The following MAGI2 variants were observed in gnomAD, a reference collection of about 807,000 sequenced individuals.
MAGI2 encodes the protein membrane-associated guanylate kinase, WW and PDZ domain-containing protein 2.
A neutral mutation model predicts 133.3 loss-of-function variants in MAGI2; 35 were observed. The ratio of observed to expected loss-of-function variants is 0.26; its 90% CI spans 0.20 to 0.35. The LOEUF is 0.35. Ranked by LOEUF, MAGI2 falls within the 10% of genes least tolerant of loss-of-function variation. The pLI is 1.00. For missense variants in MAGI2, 1,636 were observed against 1,863.4 expected (o/e 0.88, Z 2.25); for synonymous variants, 729 against 710.6 (o/e 1.03, Z -0.41).
intron 14 of MAGI2, among the ~76,000 whole-genome samples, chr7:78,171,931 C>T (rs1363608061): frequency 6.6e-6 from 1 of 152,020 alleles, no homozygotes; most frequent in Non-Finnish European, 1.5e-5. Flanking sequence ...ATTGTTTTGG[C>T]CCTGAAGGGA....
intron 1 of MAGI2, among the ~76,000 whole-genome samples, chr7:79,449,353 A>ATT (rs11439144): frequency 0.21 from 30,533 of 142,752 alleles, 3,311 homozygotes; most frequent in East Asian, 0.29. Flanking sequence ...AAGAATTAGA[A>ATT]TTTTTTTTTT....
chr7:79,208,575 C>T (rs559092209), intron 1 of MAGI2, among the ~76,000 whole-genome samples: 1 of 151,954 alleles, frequency 6.6e-6, no homozygotes, highest in South Asian at 2.1e-4. Context: ...TTGTACACTG[C>T]TGGTGGGAAT....
intron 6 of MAGI2, among the ~76,000 whole-genome samples, chr7:78,416,041 G>A (rs868403150): frequency 6.6e-6 from 1 of 152,100 alleles, no homozygotes; most frequent in South Asian, 2.1e-4. Flanking sequence ...TACAGGTTGG[G>A]TAAAAGTGAG....
At chr7:78,678,800 A>T (rs185253084) in intron 2 of MAGI2, among the ~76,000 whole-genome samples, 358 of 152,292 alleles carry the variant, frequency 2.4e-3, no homozygotes, top group Admixed American at 4.4e-3. Flanking sequence ...TGACTATAGA[A>T]ATAAGAATAA....
intron 1 of MAGI2, among the ~76,000 whole-genome samples, chr7:79,138,407 G>T (rs994028941): frequency 1.3e-5 from 2 of 152,130 alleles, no homozygotes; most frequent in African/African-American, 4.8e-5. Context: ...CAATGTTCCA[G>T]TCCCTAAGTC....
At chr7:78,755,005 T>A (rs1245179645) in intron 2 of MAGI2, among the ~76,000 whole-genome samples, 1 of 152,220 alleles carries the variant, frequency 6.6e-6, no homozygotes, top group African/African-American at 2.4e-5. Context: ...ATGAAAAATG[T>A]ATTATAAAGC....
At chr7:78,870,060 T>C (rs1794904157) in intron 2 of MAGI2, among the ~76,000 whole-genome samples, 1 of 152,118 alleles carries the variant, frequency 6.6e-6, no homozygotes, top group African/African-American at 2.4e-5. Context: ...GCTTAGTCTT[T>C]CTTTGGCTGT....
chr7:79,012,907 C>T (rs958618911), intron 1 of MAGI2, among the ~76,000 whole-genome samples: 1 of 152,152 alleles, frequency 6.6e-6, no homozygotes, highest in Non-Finnish European at 1.5e-5. Context: ...TATATCCACA[C>T]ATGGCCAAGA....
At chr7:79,059,291 C>T (rs1813487135) in intron 1 of MAGI2, among the ~76,000 whole-genome samples, 1 of 151,924 alleles carries the variant, frequency 6.6e-6, no homozygotes, top group Admixed American at 6.6e-5. Flanking sequence ...GGGTAACGGA[C>T]CTTGTCTGTC....
At chr7:78,120,331 A>T (rs1410075990) in intron 20 of MAGI2, among the ~76,000 whole-genome samples, 1 of 152,180 alleles carries the variant, frequency 6.6e-6, no homozygotes, top group Non-Finnish European at 1.5e-5. Flanking sequence ...TGAACCCAGG[A>T]GGCGGAGCTT....
intron 1 of MAGI2, among the ~76,000 whole-genome samples, chr7:79,011,884 T>TCTTCCTTCCTTCCTTCCTTCCTTC (rs779042721): frequency 2.9e-5 from 3 of 103,396 alleles, no homozygotes; most frequent in Non-Finnish European, 4.0e-5. Flanking sequence ...TTCCTTCCTT[T>TCTTCCTTCCTTCCTTCCTTCCTTC]CTTCCTTCCT....
At chr7:78,083,385 GGGGAGA>G (rs1816225303) in intron 20 of MAGI2, among the ~76,000 whole-genome samples, 2 of 45,424 alleles carry the variant, frequency 4.4e-5, no homozygotes, top group Non-Finnish European at 8.1e-5. Flanking sequence ...GGAGGGAGGG[GGGGAGA>G]GAGAGAGAGA....
intron 5 of MAGI2, among the ~76,000 whole-genome samples, chr7:78,493,129 G>A (rs146064273): frequency 2.0e-5 from 3 of 152,226 alleles, no homozygotes; most frequent in Non-Finnish European, 4.4e-5. Flanking sequence ...GAGGACTAAA[G>A]TAAGCCAGAA....
chr7:78,851,678 G>C (rs747230118), intron 2 of MAGI2, among the ~76,000 whole-genome samples: 8 of 152,078 alleles, frequency 5.3e-5, no homozygotes, highest in Non-Finnish European at 1.2e-4. Context: ...ATATCACACT[G>C]TAGGAAGTCT....
intron 1 of MAGI2, among the ~76,000 whole-genome samples, chr7:79,312,518 C>T (rs140673889): frequency 3.9e-5 from 6 of 152,272 alleles, no homozygotes; most frequent in East Asian, 1.9e-4. Context: ...AATACCGCAA[C>T]GTAGCCTCAC....
intron 4 of MAGI2, among the ~76,000 whole-genome samples, chr7:78,510,124 G>A (rs900689009): frequency 3.3e-5 from 5 of 152,124 alleles, no homozygotes; most frequent in African/African-American, 1.2e-4. Context: ...AAGAGAATAG[G>A]AATAATTTGA....
At chr7:79,296,535 A>G (rs1836943860) in intron 1 of MAGI2, among the ~76,000 whole-genome samples, 1 of 152,196 alleles carries the variant, frequency 6.6e-6, no homozygotes, top group Non-Finnish European at 1.5e-5. Context: ...CATTTGTGGC[A>G]ACATGGATGA....
intron 1 of MAGI2, among the ~76,000 whole-genome samples, chr7:79,066,319 T>C (rs116731227): frequency 0.045 from 6,812 of 151,410 alleles, 244 homozygotes; most frequent in African/African-American, 0.089. Flanking sequence ...TAATGACCAG[T>C]GATGATGAAC....
At position 79,192,572 on chromosome 7, in the gene MAGI2, A is replaced by G. The variant is rs184327129; in HGVS notation, c.302-185366T>C. Among the ~76,000 whole-genome samples the G allele has an allele frequency of 2.3e-3, 353 of 152,000 alleles. 3 individuals are homozygous for G. Among genetic ancestry groups the G allele is most frequent in the African/African-American group, 7.9e-3 (328 of 41,384 alleles). On this transcript the variant is annotated intron_variant, in intron 1 of 21. Transcript: ENST00000354212. ...TAGAAAAGGCTTTTCTGAAATGATC[A>G]TCTAATCAGTGTGGCAAATATGTGT...
Sources: allele counts gnomAD v4.1 joint callset (sites outside exome capture counted in the v4.1 genomes callset), GRCh38; gene constraint gnomAD v4.1.1; transcripts MANE v1.5; gene names NCBI Gene and HGNC (gene_info 2026-07-23, HGNC 2026-07-21).